Variants in PGM5 observed in about 807,000 individuals in gnomAD.
PGM5 encodes the protein phosphoglucomutase-like protein 5.
In PGM5, 23 loss-of-function variants were observed where a neutral mutation model predicts 59.2. The ratio of observed to expected loss-of-function variants is 0.39; its 90% CI spans 0.28 to 0.55. The LOEUF (loss-of-function observed/expected upper bound fraction) is 0.55, where lower values mean the gene tolerates loss of function less well. Ranked by LOEUF, PGM5 falls within the 20% of genes least tolerant of loss-of-function variation. The pLI is 0.66. For synonymous variants in PGM5, 214 were observed against 286.0 expected, an observed-to-expected ratio of 0.75 and a Z score of 2.54; for missense variants, 574 against 748.3, an observed-to-expected ratio of 0.77 and a Z score of 2.72.
chr9:68,466,067 C>T, intron 7 of PGM5: 1 of 1,048,144 alleles, frequency 9.5e-7, no homozygotes, highest in Non-Finnish European at 1.3e-6. Context: ...TCTGAGGCTC[C>T]AATTACACAT....
intron 9 of PGM5, among the ~76,000 whole-genome samples, chr9:68,487,883 T>G (rs1180534576): frequency 1.3e-5 from 2 of 152,168 alleles, no homozygotes; most frequent in African/African-American, 2.4e-5. Flanking sequence ...GAGCCTCAAC[T>G]CTGCCACCTC....
intron 2 of PGM5, among the ~76,000 whole-genome samples, chr9:68,382,361 T>TAAACTC (rs1822100280): frequency 6.6e-6 from 1 of 151,424 alleles, no homozygotes; most frequent in Non-Finnish European, 1.5e-5. Context: ...TACACAGAAA[T>TAAACTC]AAAATGAATA....
At chr9:68,508,948 AC>A (rs1330572422) in intron 10 of PGM5, among the ~76,000 whole-genome samples, 1 of 152,188 alleles carries the variant, frequency 6.6e-6, no homozygotes, top group Admixed American at 6.5e-5. Context: ...ACAAATGGGG[AC>A]TGACAGTGAA....
intron 10 of PGM5, among the ~76,000 whole-genome samples, chr9:68,524,277 G>A (rs2132121093): frequency 6.6e-6 from 1 of 152,250 alleles, no homozygotes; most frequent in Admixed American, 6.5e-5. Context: ...GATAAACATA[G>A]TGTCAAAACT....
rs201709933 is a variant in PGM5, at chr9:68,475,539, CT to C, written c.1160-3873del. Among the ~76,000 whole-genome samples the C allele has an allele frequency of 8.3e-3, 1,267 of 151,810 alleles. 11 individuals carry two copies. Among genetic ancestry groups the C allele is most frequent in the African/African-American group, 0.03 (1,223 of 41,396 alleles). On this transcript the variant is annotated intron_variant, in intron 7 of 10. Coordinates refer to ENST00000396396, the MANE Select transcript of PGM5 (RefSeq NM_021965.4). Reference sequence around the variant, plus strand: ...TTTTTATAAAAATATACTGAATATTCTTTTTTAGTAAACTGATTTTTCATTT... The same window carrying C: ...TTTTTATAAAAATATACTGAATATTCTTTTTAGTAAACTGATTTTTCATTT...
In PGM5 at chr9:68,504,239, C is replaced by T. The variant is rs533291766; in HGVS notation, c.1614+4878C>T. Among the ~76,000 whole-genome samples the T allele has an allele frequency of 4.6e-5, 7 of 152,304 alleles. No homozygotes were observed. The South Asian group carries it at 6.2e-4, about 14-fold the overall frequency. On this transcript the variant is annotated intron_variant, in intron 10 of 10. Transcript: ENST00000396396. Reference sequence around the variant, plus strand: ...CTTGACATGTGCAACACTGATTTCCCGCCAGCCTCCTGTGCACTCCTCCAA... The same window carrying T: ...CTTGACATGTGCAACACTGATTTCCTGCCAGCCTCCTGTGCACTCCTCCAA...
intron 1 of PGM5, chr9:68,371,705 T>G (rs1370768482): frequency 1.3e-5 from 2 of 152,146 alleles, no homozygotes; most frequent in South Asian, 4.1e-4. Flanking sequence ...TCAAGTTGAG[T>G]GCTTTTTCTT....
At chr9:68,413,527 C>T (rs372597682) in intron 6 of PGM5, among the ~76,000 whole-genome samples, 255 of 152,322 alleles carry the variant, frequency 1.7e-3, no homozygotes, top group Middle Eastern at 3.4e-3. Context: ...ATTAAAGATG[C>T]TCTTACCTTC....
At chr9:68,486,493 C>T (rs569663627) in intron 9 of PGM5, among the ~76,000 whole-genome samples, 3 of 152,270 alleles carry the variant, frequency 2.0e-5, no homozygotes, top group East Asian at 1.9e-4. Flanking sequence ...TCTATGGATT[C>T]GCCTATTTGG....
chr9:68,508,674 A>C (rs1277431064), intron 10 of PGM5, among the ~76,000 whole-genome samples: 1 of 152,228 alleles, frequency 6.6e-6, no homozygotes, highest in African/African-American at 2.4e-5. Context: ...TGCAGCGGTC[A>C]CACAAGTCCA....
intron 7 of PGM5, among the ~76,000 whole-genome samples, chr9:68,473,702 C>T (rs964083027): frequency 1.3e-5 from 2 of 152,150 alleles, no homozygotes; most frequent in Non-Finnish European, 2.9e-5. Context: ...TATTGTATGA[C>T]CAACAATCCT....
intron 6 of PGM5, among the ~76,000 whole-genome samples, chr9:68,417,983 T>C (rs1554682108): frequency 6.6e-6 from 1 of 152,222 alleles, no homozygotes; most frequent in African/African-American, 2.4e-5. Flanking sequence ...AAGCTCTCTC[T>C]GATACCACCA....
intron 6 of PGM5, chr9:68,396,688 T>C (rs1212275645): frequency 1.2e-4 from 18 of 152,304 alleles, no homozygotes; most frequent in African/African-American, 4.1e-4. Context: ...ATTTGATCTG[T>C]TGTGTAGGTC....
At chr9:68,448,864 G>T (rs1030605930) in intron 6 of PGM5, among the ~76,000 whole-genome samples, 1 of 152,188 alleles carries the variant, frequency 6.6e-6, no homozygotes, top group East Asian at 1.9e-4. Flanking sequence ...GCAGATTGTG[G>T]GCTGATTGTG....
chr9:68,379,902 A>G (rs1308796504), intron 2 of PGM5, among the ~76,000 whole-genome samples: 2 of 152,040 alleles, frequency 1.3e-5, no homozygotes, highest in Admixed American at 6.6e-5. Context: ...TCAAGAGGAC[A>G]TAACAATTGT....
At chr9:68,430,620 C>G (rs1823328861) in intron 6 of PGM5, among the ~76,000 whole-genome samples, 1 of 152,236 alleles carries the variant, frequency 6.6e-6, no homozygotes, top group Non-Finnish European at 1.5e-5. Context: ...TCAGGTTTCT[C>G]TGGATACCGT....
Position 68,387,378 on chromosome 9 carries a change from T to C in PGM5, c.572-85T>C, listed in dbSNP as rs371056555. ...TGGGCTTGTGACCAGAATTTCATGC[T>C]CTTAAGGTAGTGATTCTTTTTATGC... is the stretch of plus-strand genomic sequence containing the variant. On this transcript the variant is annotated intron_variant, in intron 3 of 10. Transcript: ENST00000396396. 2.3e-5 allele frequency: 26 copies of C among 1,149,456 alleles called. No homozygotes were observed. In the East Asian group the frequency reaches 4.5e-4, roughly 20 times the overall value. The allele number at this position is 1,149,456 out of a possible 1,614,324, so 71.2% of individuals were successfully genotyped here. A position where few individuals can be genotyped will look rare whatever the true frequency, so the allele number is the denominator to read the frequency against.
chr9:68,492,450 A>G (rs782378104), intron 9 of PGM5, among the ~76,000 whole-genome samples: 23 of 152,162 alleles, frequency 1.5e-4, no homozygotes, highest in Non-Finnish European at 3.1e-4. Context: ...TGATTTCCCC[A>G]GATAGTTCTT....
intron 1 of PGM5, among the ~76,000 whole-genome samples, chr9:68,376,568 G>A (rs1422777024): frequency 1.3e-5 from 2 of 148,708 alleles, no homozygotes; most frequent in Non-Finnish European, 3.0e-5. Context: ...CTCGCTGATT[G>A]TTATATTTGG....
Sources: allele counts gnomAD v4.1 joint callset (sites outside exome capture counted in the v4.1 genomes callset), GRCh38; gene constraint gnomAD v4.1.1; transcripts MANE v1.5; gene names NCBI Gene and HGNC (gene_info 2026-07-23, HGNC 2026-07-21).